Variants in ROBO1 observed in about 807,000 individuals in gnomAD.
ROBO1 encodes the protein roundabout guidance receptor 1.
A neutral mutation model predicts 195.9 loss-of-function variants in ROBO1; 149 were observed. That is an observed-to-expected ratio of 0.76 (90% confidence interval 0.67 to 0.87). ROBO1 has a LOEUF of 0.87. Ranked by LOEUF, ROBO1 falls within the 40% of genes least tolerant of loss-of-function variation. The pLI, the probability that ROBO1 is intolerant of heterozygous loss-of-function variation, is 0.00. For missense variants in ROBO1, 1,933 were observed against 2,068.3 expected (o/e 0.93, Z 1.27); for synonymous variants, 816 against 733.2 (o/e 1.11, Z -1.82).
intron 4 of ROBO1, among the ~76,000 whole-genome samples, chr3:78,810,836 G>C (rs1471207051): frequency 6.6e-6 from 1 of 152,014 alleles, no homozygotes; most frequent in Non-Finnish European, 1.5e-5. Flanking sequence ...TTTAAACACT[G>C]AATGTTTCAC....
chr3:78,600,986 A>G (rs1017306107), intron 29 of ROBO1, among the ~76,000 whole-genome samples: 1 of 152,092 alleles, frequency 6.6e-6, no homozygotes, highest in African/African-American at 2.4e-5. Context: ...TTCAATAAGC[A>G]AGCCACTCCA....
intron 4 of ROBO1, among the ~76,000 whole-genome samples, chr3:78,802,919 T>C (rs557659014): frequency 3.6e-4 from 55 of 152,306 alleles, no homozygotes; most frequent in Non-Finnish European, 6.3e-4. Context: ...TTTGTCATGA[T>C]GACTTGACCA....
At chr3:79,462,438 G>A (rs1330194356) in intron 2 of ROBO1, among the ~76,000 whole-genome samples, 1 of 152,170 alleles carries the variant, frequency 6.6e-6, no homozygotes, top group East Asian at 1.9e-4. Flanking sequence ...TAGATTTTAA[G>A]AAATCATTGT....
rs1702980933 is a variant in ROBO1, at chr3:78,598,647, A to G, written c.*266T>C. ...TGGCTGATGACTGAAGCAAGAAGTCAAAGCACTTTGCTTGCTGGAAGTAAG... is the reference window on the plus strand; with the variant it reads ...TGGCTGATGACTGAAGCAAGAAGTCGAAGCACTTTGCTTGCTGGAAGTAAG... On this transcript the variant is annotated 3_prime_UTR_variant, in exon 31 of 31. Transcript: ENST00000464233. 1 of 316,216 alleles carries G rather than the reference A, an allele frequency of 3.2e-6. No individual in the cohort carries two copies. Among genetic ancestry groups the G allele is most frequent in the African/African-American group, 2.1e-5 (1 of 46,758 alleles). The allele number at this position is 316,216 out of a possible 1,614,324, so 19.6% of individuals were successfully genotyped here.
chr3:78,729,904 A>G (rs2082249048), intron 5 of ROBO1, among the ~76,000 whole-genome samples: 1 of 152,228 alleles, frequency 6.6e-6, no homozygotes, highest in African/African-American at 2.4e-5. Flanking sequence ...CTCATGAAAC[A>G]GTGTCCTGCT....
chr3:79,736,053 A>G (rs181086475), intron 1 of ROBO1, among the ~76,000 whole-genome samples: 2 of 152,318 alleles, frequency 1.3e-5, no homozygotes, highest in East Asian at 3.9e-4. Flanking sequence ...GTGTAAAAAA[A>G]ATTAAGTAAA....
chr3:78,886,009 A>C (rs952301183), intron 4 of ROBO1, among the ~76,000 whole-genome samples: 1 of 148,610 alleles, frequency 6.7e-6, no homozygotes, highest in Non-Finnish European at 1.5e-5. Context: ...TACATGAACA[A>C]GTTTATATTT....
chr3:79,748,352 A>G (rs1027250951), intron 1 of ROBO1, among the ~76,000 whole-genome samples: 1 of 152,232 alleles, frequency 6.6e-6, no homozygotes, highest in South Asian at 2.1e-4. Flanking sequence ...TCTGAATTAT[A>G]TCGTAAAACA....
chr3:79,750,475 T>C (rs775801936), intron 1 of ROBO1, among the ~76,000 whole-genome samples: 2 of 152,166 alleles, frequency 1.3e-5, no homozygotes, highest in Non-Finnish European at 2.9e-5. Flanking sequence ...GGCAGAATTA[T>C]ATGAGTTGGC....
At chr3:79,184,585 G>C (rs893971025) in intron 2 of ROBO1, among the ~76,000 whole-genome samples, 4 of 152,110 alleles carry the variant, frequency 2.6e-5, no homozygotes, top group Non-Finnish European at 5.9e-5. Context: ...TCAGGGCCAG[G>C]ACTTACGGTA....
rs59942369 is a variant in ROBO1, at chr3:79,213,816, C to CTT, written c.89-88279_89-88278dup. Among the ~76,000 whole-genome samples, 611 of 74,428 alleles carry CTT rather than the reference C, an allele frequency of 8.2e-3. 1 individual carries two copies. The highest frequency in any genetic ancestry group is 0.02 in the Middle Eastern group (2 of 100). 48.8% of individuals were successfully genotyped at this position (74,428 alleles called of 152,430 possible). A position where few individuals can be genotyped will look rare whatever the true frequency, so the allele number is the denominator to read the frequency against. ...GAAGAGAGAAATAACTCTCCCCTTT[C>CTT]TTTTTTTTTTTTTTTTTTTTTTTGT... On this transcript the variant is annotated intron_variant, in intron 2 of 30. Coordinates refer to ENST00000464233, the MANE Select transcript of ROBO1 (RefSeq NM_002941.4).
intron 2 of ROBO1, among the ~76,000 whole-genome samples, chr3:79,305,931 C>T (rs2033197173): frequency 6.6e-6 from 1 of 151,984 alleles, no homozygotes; most frequent in African/African-American, 2.4e-5. Flanking sequence ...AATTGAAAAA[C>T]TATAGGATAG....
At chr3:79,050,014 A>G (rs1344442835) in intron 3 of ROBO1, among the ~76,000 whole-genome samples, 1 of 152,200 alleles carries the variant, frequency 6.6e-6, no homozygotes, top group Admixed American at 6.5e-5. Context: ...AGCCAACCTC[A>G]TAATGACAGG....
chr3:79,700,129 C>T (rs1947570042), intron 1 of ROBO1, among the ~76,000 whole-genome samples: 1 of 151,672 alleles, frequency 6.6e-6, no homozygotes, highest in Non-Finnish European at 1.5e-5. Context: ...GGATAATAGC[C>T]TCCAGCTGCA....
chr3:79,475,158 A>G (rs1026427849), intron 2 of ROBO1, among the ~76,000 whole-genome samples: 3 of 151,928 alleles, frequency 2.0e-5, no homozygotes, highest in Non-Finnish European at 4.4e-5. Flanking sequence ...TTTAAAAAAA[A>G]ATCTTTATTC....
intron 2 of ROBO1, among the ~76,000 whole-genome samples, chr3:79,542,190 T>C (rs896110697): frequency 3.3e-5 from 5 of 152,030 alleles, no homozygotes; most frequent in African/African-American, 1.2e-4. Flanking sequence ...ATTAACAGGA[T>C]TTATTATTAA....
intron 1 of ROBO1, among the ~76,000 whole-genome samples, chr3:79,657,746 C>G (rs1038283599): frequency 7.9e-5 from 12 of 151,968 alleles, no homozygotes; most frequent in African/African-American, 2.9e-4. Context: ...AACTTATATT[C>G]TTAGAAATAA....
chr3:79,759,851 C>A (rs1007864595), intron 1 of ROBO1, among the ~76,000 whole-genome samples: 2 of 152,052 alleles, frequency 1.3e-5, no homozygotes, highest in African/African-American at 4.8e-5. Flanking sequence ...GCTAGCCCAC[C>A]CACATATGGA....
rs1266815357 is a variant in ROBO1, at chr3:79,676,770, T to C, written c.-50-86809A>G. 2.6e-5 allele frequency among the ~76,000 whole-genome samples: 4 copies of C among 152,140 alleles called. No individual in the cohort carries two copies. In the East Asian group the frequency reaches 7.8e-4, roughly 30 times the overall value. On this transcript the variant is annotated intron_variant, in intron 1 of 30. Coordinates refer to ENST00000464233, the MANE Select transcript of ROBO1 (RefSeq NM_002941.4). ...GTTTAGAAGCAAGGTATAGGTCCTG[T>C]TCATACTCAAGAGGTGACAGTTGAT...
Sources: allele counts gnomAD v4.1 joint callset (sites outside exome capture counted in the v4.1 genomes callset), GRCh38; gene constraint gnomAD v4.1.1; transcripts MANE v1.5; gene names NCBI Gene and HGNC (gene_info 2026-07-23, HGNC 2026-07-21).